Variants in CTNND2 observed in about 807,000 individuals in gnomAD.
The protein encoded by CTNND2 is catenin delta 2.
A neutral mutation model predicts 144.4 loss-of-function variants in CTNND2; 22 were observed. The ratio of observed to expected loss-of-function variants is 0.15; its 90% CI spans 0.11 to 0.22. The LOEUF (loss-of-function observed/expected upper bound fraction) is 0.22, where lower values mean the gene tolerates loss of function less well. CTNND2 is among the 10% of genes least tolerant of loss of function. The pLI is 1.00. For missense variants in CTNND2, 1,353 were observed against 1,618.8 expected (o/e 0.84, Z 2.82); for synonymous variants, 751 against 695.6 (o/e 1.08, Z -1.25).
In CTNND2 at chr5:11,250,487, C is replaced by CTATA. The variant is rs1282598853; in HGVS notation, c.1629-13665_1629-13664insTATA. Among the ~76,000 whole-genome samples, 611 of 67,056 alleles carry CTATA rather than the reference C, an allele frequency of 9.1e-3. 4 individuals are homozygous for CTATA. The highest frequency in any genetic ancestry group is 0.016 in the Middle Eastern group (2 of 126). The allele number at this position is 67,056 out of a possible 152,430, so 44.0% of individuals were successfully genotyped here. A position where few individuals can be genotyped will look rare whatever the true frequency, so the allele number is the denominator to read the frequency against. ...TCTCTCTCTCTCTCTCTCTCTCTCT[C>CTATA]TCTCTATATATATATATATATATAT... On this transcript the variant is annotated intron_variant, in intron 9 of 21. Coordinates refer to ENST00000304623, the MANE Select transcript of CTNND2 (RefSeq NM_001332.4).
intron 3 of CTNND2, among the ~76,000 whole-genome samples, chr5:11,426,161 C>T (rs964863634): frequency 4.6e-5 from 7 of 152,278 alleles, no homozygotes; most frequent in Non-Finnish European, 8.8e-5. Context: ...ACTACCAAAC[C>T]GCACTGTTGT....
At chr5:11,123,747 A>T (rs1017502293) in intron 12 of CTNND2, among the ~76,000 whole-genome samples, 3 of 151,484 alleles carry the variant, frequency 2.0e-5, no homozygotes, top group Non-Finnish European at 4.4e-5. Context: ...AGCTGATGAG[A>T]ACGCATTCCA....
At chr5:11,188,479 A>G (rs1735890286) in intron 11 of CTNND2, among the ~76,000 whole-genome samples, 1 of 152,216 alleles carries the variant, frequency 6.6e-6, no homozygotes, top group East Asian at 1.9e-4. Flanking sequence ...GAGGGAGAGC[A>G]TCAGGAAAAA....
chr5:11,070,809 T>C (rs1748176959), intron 16 of CTNND2, among the ~76,000 whole-genome samples: 3 of 152,228 alleles, frequency 2.0e-5, no homozygotes, highest in East Asian at 3.9e-4. Context: ...ACTTGCACTA[T>C]AAAAAGTGCT....
chr5:10,997,038 C>T (rs1739422904), intron 18 of CTNND2, among the ~76,000 whole-genome samples: 3 of 151,848 alleles, frequency 2.0e-5, no homozygotes, highest in Non-Finnish European at 4.4e-5. Context: ...TCCCAGGAGG[C>T]TTGGGTGATT....
Position 11,260,937 on chromosome 5 carries a change from C to T in CTNND2, c.1629-24114G>A, listed in dbSNP as rs550245346. ...GTTATTAAATTAATTCTGACATATC[C>T]GTAATTATGACGGGCCTGAGAGCAG... On this transcript the variant is annotated intron_variant, in intron 9 of 21. Coordinates refer to ENST00000304623, the MANE Select transcript of CTNND2 (RefSeq NM_001332.4). 2.6e-5 allele frequency among the ~76,000 whole-genome samples: 4 copies of T among 152,044 alleles called. No homozygotes were observed. The East Asian group carries it at 5.8e-4, about 22-fold the overall frequency.
At chr5:11,254,650 T>C (rs535737852) in intron 9 of CTNND2, among the ~76,000 whole-genome samples, 19 of 152,328 alleles carry the variant, frequency 1.2e-4, no homozygotes, top group African/African-American at 4.6e-4. Flanking sequence ...ACAGTGCATG[T>C]CAAAATTACA....
chr5:11,310,654 C>T (rs1750698791), intron 9 of CTNND2, among the ~76,000 whole-genome samples: 1 of 151,728 alleles, frequency 6.6e-6, no homozygotes. Context: ...TTACCGACCT[C>T]TCCTCTTTCT....
chr5:11,060,306 T>C (rs1005869975), intron 16 of CTNND2, among the ~76,000 whole-genome samples: 2 of 152,108 alleles, frequency 1.3e-5, no homozygotes, highest in African/African-American at 4.8e-5. Context: ...CTAAAACAAT[T>C]TCCTCCACAT....
At chr5:11,736,574 A>G (rs61615602) in intron 1 of CTNND2, among the ~76,000 whole-genome samples, 22,107 of 152,160 alleles carry the variant, frequency 0.15, 1,797 homozygotes, top group East Asian at 0.28. Flanking sequence ...AGAGGAAACC[A>G]CAAAAGACCT....
chr5:11,402,160 A>C (rs16901579), intron 5 of CTNND2, among the ~76,000 whole-genome samples: 17,002 of 152,124 alleles, frequency 0.11, 1,778 homozygotes, highest in African/African-American at 0.28. Flanking sequence ...GTCAGAGCAA[A>C]TAGATGAGGA....
chr5:11,122,332 T>A (rs185547184), intron 12 of CTNND2, among the ~76,000 whole-genome samples: 331 of 152,244 alleles, frequency 2.2e-3, no homozygotes, highest in Middle Eastern at 6.8e-3. Flanking sequence ...TTTCTTATGA[T>A]TGTTCACAAG....
At chr5:11,112,210 G>A (rs1213503653) in intron 13 of CTNND2, among the ~76,000 whole-genome samples, 1 of 152,164 alleles carries the variant, frequency 6.6e-6, no homozygotes, top group Non-Finnish European at 1.5e-5. Context: ...GCAGGAGGTG[G>A]GAATTGTTAA....
intron 3 of CTNND2, among the ~76,000 whole-genome samples, chr5:11,511,556 T>C (rs976325616): frequency 6.6e-6 from 1 of 152,208 alleles, no homozygotes; most frequent in East Asian, 1.9e-4. Flanking sequence ...TGGGGACATA[T>C]GGTGGATGTA....
chr5:11,861,898 G>T (rs1320401456), intron 1 of CTNND2, among the ~76,000 whole-genome samples: 1 of 152,226 alleles, frequency 6.6e-6, no homozygotes, highest in African/African-American at 2.4e-5. Context: ...GTATCTACAA[G>T]GCTCCCATCC....
chr5:11,805,208 T>C (rs1561812312), intron 1 of CTNND2, among the ~76,000 whole-genome samples: 2 of 152,266 alleles, frequency 1.3e-5, no homozygotes, highest in South Asian at 4.1e-4. Context: ...GGTAACAGAC[T>C]AGAGTTGGAC....
intron 11 of CTNND2, among the ~76,000 whole-genome samples, chr5:11,194,438 G>A (rs1736652374): frequency 6.6e-6 from 1 of 152,152 alleles, no homozygotes; most frequent in African/African-American, 2.4e-5. Flanking sequence ...GATGGATTGT[G>A]ATGGGGAGAA....
chr5:11,858,323 C>A (rs1377359992), intron 1 of CTNND2, among the ~76,000 whole-genome samples: 1 of 152,060 alleles, frequency 6.6e-6, no homozygotes, highest in Non-Finnish European at 1.5e-5. Context: ...AAGAAACTCC[C>A]AGAATTTTAC....
chr5:11,677,041 A>C (rs1784208932), intron 2 of CTNND2, among the ~76,000 whole-genome samples: 1 of 152,148 alleles, frequency 6.6e-6, no homozygotes, highest in African/African-American at 2.4e-5. Flanking sequence ...AACTGATTGT[A>C]TGCTTACTTT....
Sources: allele counts gnomAD v4.1 joint callset (sites outside exome capture counted in the v4.1 genomes callset), GRCh38; gene constraint gnomAD v4.1.1; transcripts MANE v1.5; gene names NCBI Gene and HGNC (gene_info 2026-07-23, HGNC 2026-07-21).